Variants in ZNF45 observed in about 807,000 individuals in gnomAD.
ZNF45 encodes the protein zinc finger protein 45, also known as BRC1744.
In ZNF45, 4 loss-of-function variants were observed where a neutral mutation model predicts 12.0. The observed-to-expected ratio is 0.33, with a 90% CI of 0.16 to 0.76. The LOEUF (loss-of-function observed/expected upper bound fraction) is 0.76, where lower values mean the gene tolerates loss of function less well. Among genes scored for constraint, ZNF45 ranks in the 30% least tolerant of loss-of-function variants. ZNF45 has a pLI of 0.60. For synonymous variants in ZNF45, 272 were observed against 279.6 expected, an observed-to-expected ratio of 0.97 and a Z score of 0.27; for missense variants, 700 against 813.0, an observed-to-expected ratio of 0.86 and a Z score of 1.69.
intron 6 of ZNF45, 26 bp from the exon 7 acceptor site, chr19:43,922,243 G>A (rs1483958137): frequency 4.6e-6 from 7 of 1,524,896 alleles, no homozygotes; most frequent in Middle Eastern, 3.5e-4. Flanking sequence ...GAAAACATGA[G>A]GGAAGGAGAA....
Position 43,925,445 on chromosome 19 carries a change from G to T in ZNF45, c.-386C>A, listed in dbSNP as rs151076660. 1 of 152,228 alleles carries T rather than the reference G, an allele frequency of 6.6e-6. No individual in the cohort carries two copies. Among genetic ancestry groups the T allele is most frequent in the African/African-American group, 2.4e-5 (1 of 41,514 alleles). The allele number at this position is 152,228 out of a possible 1,614,324, so 9.4% of individuals were successfully genotyped here. On this transcript the variant is annotated 5_prime_UTR_variant, in exon 4 of 10. An upstream open reading frame in the 5' UTR gains an earlier in-frame stop. Coordinates refer to ENST00000269973, the MANE Select transcript of ZNF45 (RefSeq NM_003425.4). Reference sequence around the variant, plus strand: ...AAATGGAGTTCTTGTAGCTCTCAGGGTATGATTCTGATTCTATGGAGGGTG... The same window carrying T: ...AAATGGAGTTCTTGTAGCTCTCAGGTTATGATTCTGATTCTATGGAGGGTG...
In ZNF45 at chr19:43,914,825, A is replaced by G; in HGVS notation, c.611T>C (p.Phe204Ser). 2 of 1,612,242 alleles carry G rather than the reference A, an allele frequency of 1.2e-6. No homozygotes were observed. Among genetic ancestry groups the G allele is most frequent in the South Asian group, 2.2e-5 (2 of 91,044 alleles). The change falls in exon 10 of 10, where the codon TTT becomes TCT. Residue 204 changes from phenylalanine (F) to serine (S), a missense_variant. Coordinates refer to ENST00000269973, the MANE Select transcript of ZNF45 (RefSeq NM_003425.4). ...CEKCDNAFRRFSSLQAHQRVH... is the reference protein window; with the variant it reads ...CEKCDNAFRRSSSLQAHQRVH... ...TCTCTGATGGGCTTGAAGACTTGAA[A>G]ACCGACGGAAGGCATTATCACATTT... is the stretch of plus-strand genomic sequence containing the variant.
rs1356944923 is a variant in ZNF45 at position 43,925,322 on chromosome 19, C to G, written c.-266+3G>C. On this transcript the variant is annotated splice_donor_region_variant and intron_variant, in intron 4 of 9. Coordinates refer to ENST00000269973, the MANE Select transcript of ZNF45 (RefSeq NM_003425.4). ...AGCAGCACAAATGGACTAAGGCACT[C>G]ACGGAGTCTGCAGCTTCACATGGCT... 6.6e-6 allele frequency: 1 copy of G among 152,318 alleles called. No individual in the cohort carries two copies. The highest frequency in any genetic ancestry group is 2.4e-5 in the African/African-American group (1 of 41,536). 9.4% of individuals were successfully genotyped at this position (152,318 alleles called of 1,614,324 possible). A position where few individuals can be genotyped will look rare whatever the true frequency, so the allele number is the denominator to read the frequency against.
At chr19:43,919,176 C>T (rs779259931) in intron 8 of ZNF45, among the ~76,000 whole-genome samples, 3 of 152,082 alleles carry the variant, frequency 2.0e-5, no homozygotes, top group Non-Finnish European at 2.9e-5. Flanking sequence ...TTTCATCATA[C>T]CCCCTCCATT....
At position 43,930,794 on chromosome 19, in the gene ZNF45, GA is replaced by G. The variant is rs529080382; in HGVS notation, c.-400+1809del. 2.3e-4 allele frequency among the ~76,000 whole-genome samples: 35 copies of G among 152,232 alleles called. 2 individuals carry two copies. In the South Asian group the frequency reaches 7.1e-3, roughly 31 times the overall value. On this transcript the variant is annotated intron_variant, in intron 3 of 9. Coordinates refer to ENST00000269973, the MANE Select transcript of ZNF45 (RefSeq NM_003425.4). ...TTTAAATTTTTCTCATAGCTACACT[GA>G]AAAAGGTAAGATGAAGCAAGTGAAC...
intron 3 of ZNF45, among the ~76,000 whole-genome samples, chr19:43,929,042 T>C (rs879571267): frequency 1.3e-5 from 2 of 152,262 alleles, no homozygotes; most frequent in East Asian, 1.9e-4. Flanking sequence ...CAGAAGTAAC[T>C]TGTTCATGTT....
intron 7 of ZNF45, among the ~76,000 whole-genome samples, chr19:43,921,663 G>A (rs1973195169): frequency 6.6e-6 from 1 of 152,138 alleles, no homozygotes; most frequent in African/African-American, 2.4e-5. Flanking sequence ...ATGGTTATTT[G>A]TGGGAAAACT....
rs1407424527 is a variant in ZNF45 at position 43,915,024 on chromosome 19, A to G, written c.412T>C (p.Leu138=). Residue 138 remains leucine (L), a synonymous_variant, in exon 10 of 10, where the codon TTG becomes CTG. Transcript: ENST00000269973. The stretch of plus-strand genomic sequence containing the variant: ...CTGAATCCCTCATCTTTATAGTGCA[A>G]ATCATCTCGTTTTTCCAACTGGCAG... ...TGCQLEKRDD[L]HYKDEGFSNQ... is the part of the protein sequence containing the mutation. 6 of 1,611,214 alleles carry G rather than the reference A, an allele frequency of 3.7e-6. No individual in the cohort carries two copies. Among genetic ancestry groups the G allele is most frequent in the African/African-American group, 2.7e-5 (2 of 74,866 alleles).
At chr19:43,924,987 TC>T (rs1364588475) in intron 4 of ZNF45, among the ~76,000 whole-genome samples, 1 of 152,162 alleles carries the variant, frequency 6.6e-6, no homozygotes, top group African/African-American at 2.4e-5. Context: ...AATGTCTGTG[TC>T]CCCTCAAAAT....
At position 43,913,861 on chromosome 19, in the gene ZNF45, C is replaced by T; in HGVS notation, c.1575G>A (p.Glu525=). 3 of 1,613,256 alleles carry T rather than the reference C, an allele frequency of 1.9e-6. No individual in the cohort carries two copies. Residue 525 remains glutamate (E), a synonymous_variant, in exon 10 of 10, where the codon GAG becomes GAA. Transcript: ENST00000269973. ...CACACTCTGCACACTGATATGGTTTCTCTCCAGTGTGAACTCTCTGATGCA... is the reference window on the plus strand; with the variant it reads ...CACACTCTGCACACTGATATGGTTTTTCTCCAGTGTGAACTCTCTGATGCA... ...LQVHQRVHTG[E]KPYQCAECGK...
rs1014922542 is a variant in ZNF45 at position 43,920,535 on chromosome 19, T to TTG, written c.16-837_16-836insCA. Among the ~76,000 whole-genome samples, 4 of 22,346 alleles carry TTG rather than the reference T, an allele frequency of 1.8e-4. 1 individual carries two copies. The highest frequency in any genetic ancestry group is 8.4e-3 in the East Asian group (2 of 238). The allele number at this position is 22,346 out of a possible 152,430, so 14.7% of individuals were successfully genotyped here. A position where few individuals can be genotyped will look rare whatever the true frequency, so the allele number is the denominator to read the frequency against. ...AGGAATGTTTCCAGATGTTGCCGGG[T>TTG]GGGGGGGGGGGGCAGTGGGCGGTAA... On this transcript the variant is annotated intron_variant, in intron 7 of 9. Coordinates refer to ENST00000269973, the MANE Select transcript of ZNF45 (RefSeq NM_003425.4).
In ZNF45 at chr19:43,912,782, G is replaced by C. The variant is rs1355483098; in HGVS notation, c.*605C>G. 1.3e-5 allele frequency: 2 copies of C among 152,310 alleles called. No individual in the cohort carries two copies. The highest frequency in any genetic ancestry group is 4.8e-5 in the African/African-American group (2 of 41,436). 9.4% of individuals were successfully genotyped at this position (152,310 alleles called of 1,614,324 possible). A position where few individuals can be genotyped will look rare whatever the true frequency, so the allele number is the denominator to read the frequency against. On this transcript the variant is annotated 3_prime_UTR_variant, in exon 10 of 10. Transcript: ENST00000269973. ...GCAGATTACACCTCAATAAAGTACTGTTAACATACAAAACTTCTAGTTGCT... is the reference window on the plus strand; with the variant it reads ...GCAGATTACACCTCAATAAAGTACTCTTAACATACAAAACTTCTAGTTGCT...
At chr19:43,933,295 C>T (rs961166682) in intron 2 of ZNF45, among the ~76,000 whole-genome samples, 3 of 152,010 alleles carry the variant, frequency 2.0e-5, no homozygotes, top group Non-Finnish European at 4.4e-5. Flanking sequence ...ATGGAGAAAC[C>T]CAGTCTTTAC....
At position 43,913,794 on chromosome 19, in the gene ZNF45, TC is replaced by T; in HGVS notation, c.1641del (p.Arg548GlyfsTer146). On this transcript the variant is annotated frameshift_variant, in exon 10 of 10. Transcript: ENST00000269973. LOFTEE classifies it low-confidence loss of function (END_TRUNC). ...FSVGSQLQAHQRCHTGEKPYQ... is the reference protein window; with the variant it reads ...FSVGSQLQAHXRCHTGEKPYQ... ...TAGGGTTTCTCTCCAGTGTGGCACC[TC>T]TGATGGGCTTGAAGCTGTGAACCTA... The T allele has an allele frequency of 6.2e-7, 1 of 1,613,222 alleles. No individual in the cohort carries two copies. Among genetic ancestry groups the T allele is most frequent in the Non-Finnish European group, 8.5e-7 (1 of 1,179,752 alleles).
At chr19:43,927,168 G>C (rs552859207) in intron 3 of ZNF45, among the ~76,000 whole-genome samples, 1 of 152,196 alleles carries the variant, frequency 6.6e-6, no homozygotes, top group Admixed American at 6.5e-5. Flanking sequence ...CCTCATCTCT[G>C]CTTACTTCTT....
intron 9 of ZNF45, 138 bp downstream of exon 9, chr19:43,918,732 A>G: frequency 1.5e-6 from 1 of 669,200 alleles, no homozygotes; most frequent in Non-Finnish European, 2.6e-6. Context: ...CACCCAATAA[A>G]TTAGAATTAG....
In ZNF45 at chr19:43,924,296, T is replaced by C. The variant is rs1333312041; in HGVS notation, c.-91A>G. 1 of 152,238 alleles carries C rather than the reference T, an allele frequency of 6.6e-6. No homozygotes were observed. Among genetic ancestry groups the C allele is most frequent in the East Asian group, 1.9e-4 (1 of 5,194 alleles). The allele number at this position is 152,238 out of a possible 1,614,324, so 9.4% of individuals were successfully genotyped here. A position where few individuals can be genotyped will look rare whatever the true frequency, so the allele number is the denominator to read the frequency against. On this transcript the variant is annotated 5_prime_UTR_variant, in exon 6 of 10. Transcript: ENST00000269973. ...ACCTTGGTCCAAACACCTAAACTTC[T>C]GTGCCTATGCTCAGCTATAAGAAGG...
chr19:43,929,877 C>G (rs1973984015), intron 3 of ZNF45: 2 of 152,160 alleles, frequency 1.3e-5, no homozygotes, highest in Admixed American at 1.3e-4. Context: ...AAGTGCAAGT[C>G]CCCTGGGCTG....
At chr19:43,924,891 TAAAC>T (rs60619119) in intron 4 of ZNF45, among the ~76,000 whole-genome samples, 73,684 of 151,892 alleles carry the variant, frequency 0.49, 18,767 homozygotes, top group East Asian at 0.81. Flanking sequence ...TCTGGCAGCT[TAAAC>T]AATCAATAGA....
Sources: gnomAD v4.1 joint callset for allele counts (sites outside exome capture counted in the v4.1 genomes callset) on GRCh38, gnomAD v4.1.1 for gene constraint, MANE v1.5 for transcripts, NCBI Gene and HGNC (gene_info 2026-07-23, HGNC 2026-07-21) for gene names.